Variants in ADAMTS18 observed in about 807,000 individuals in gnomAD.
ADAMTS18 encodes A disintegrin and metalloproteinase with thrombospondin motifs 18.
In ADAMTS18, 157 loss-of-function variants were observed where a neutral mutation model predicts 165.9. That is an observed-to-expected ratio of 0.95 (90% CI 0.83 to 1.08). The LOEUF (loss-of-function observed/expected upper bound fraction) is 1.08. ADAMTS18 is among the 50% of genes least tolerant of loss of function. The probability of loss-of-function intolerance (pLI) is 0.00; values close to 1 mark genes in which losing one functional copy is unlikely to be tolerated. For missense variants in ADAMTS18, 2,040 were observed against 1,534.0 expected, an observed-to-expected ratio of 1.33 and a Z score of -5.51; for synonymous variants, 782 against 578.2, an observed-to-expected ratio of 1.35 and a Z score of -5.06.
At chr16:77,295,964 C>A (rs911795500) in intron 18 of ADAMTS18, among the ~76,000 whole-genome samples, 1 of 151,424 alleles carries the variant, frequency 6.6e-6, no homozygotes, top group African/African-American at 2.4e-5. Flanking sequence ...CTGCCTCAGC[C>A]TCAGATTATG....
At chr16:77,430,047 T>TACGGTG (rs1416652846) in intron 3 of ADAMTS18, among the ~76,000 whole-genome samples, 1 of 152,158 alleles carries the variant, frequency 6.6e-6, no homozygotes, top group Non-Finnish European at 1.5e-5. Context: ...TTTAAGCCAC[T>TACGGTG]ACGGTGGGTT....
At position 77,364,305 on chromosome 16, in the gene ADAMTS18, T is replaced by C. The variant is rs767925514; in HGVS notation, c.855A>G (p.Ser285=). 2 of 1,614,034 alleles carry C rather than the reference T, an allele frequency of 1.2e-6. No individual in the cohort carries two copies. The highest frequency in any genetic ancestry group is 4.5e-5 in the East Asian group (2 of 44,872). Residue 285 remains serine, a synonymous_variant, in exon 5 of 23, where the codon TCA becomes TCG. Coordinates refer to ENST00000282849, the MANE Select transcript of ADAMTS18 (RefSeq NM_199355.4). ...EYGSSGRPRR[S]AGKSQKGLNV... ...TGAGGCCCTTTTGTGATTTTCCAGC[T>C]GATCTTCTGGGTCGCCCAGAGCTCC...
chr16:77,300,238 G>T, intron 17 of ADAMTS18, 25 bp downstream of exon 17: 1 of 1,613,788 alleles, frequency 6.2e-7, no homozygotes, highest in Non-Finnish European at 8.5e-7. Flanking sequence ...ACAGACTTTG[G>T]AGACAGAATG....
At chr16:77,424,724 C>A (rs2057649769) in intron 3 of ADAMTS18, among the ~76,000 whole-genome samples, 1 of 152,208 alleles carries the variant, frequency 6.6e-6, no homozygotes, top group Non-Finnish European at 1.5e-5. Context: ...TTTAACCTTT[C>A]TTGATGAAAT....
intron 3 of ADAMTS18, among the ~76,000 whole-genome samples, chr16:77,424,615 C>T (rs1567557598): frequency 6.6e-6 from 1 of 152,156 alleles, no homozygotes; most frequent in African/African-American, 2.4e-5. Flanking sequence ...GAAGTTTGAT[C>T]TGGCATTTTG....
At chr16:77,391,315 C>A (rs2144789680) in intron 3 of ADAMTS18, among the ~76,000 whole-genome samples, 3 of 152,130 alleles carry the variant, frequency 2.0e-5, no homozygotes, top group Middle Eastern at 6.8e-3. Flanking sequence ...CCAAACTGGC[C>A]AACATGGTGA....
chr16:77,415,547 C>A (rs1438441740), intron 3 of ADAMTS18, among the ~76,000 whole-genome samples: 1 of 152,024 alleles, frequency 6.6e-6, no homozygotes, highest in Non-Finnish European at 1.5e-5. Flanking sequence ...ATCTTGTTGC[C>A]TGTTTATTTC....
intron 11 of ADAMTS18, among the ~76,000 whole-genome samples, chr16:77,337,645 T>A (rs550829763): frequency 6.6e-6 from 1 of 152,322 alleles, no homozygotes; most frequent in East Asian, 1.9e-4. Context: ...TAATCTAATT[T>A]CTTTTTGGAA....
At chr16:77,297,188 T>G in intron 18 of ADAMTS18, 101 bp downstream of exon 18, 1 of 1,512,704 alleles carries the variant, frequency 6.6e-7, no homozygotes, top group Non-Finnish European at 9.2e-7. Flanking sequence ...TTTGAATCAC[T>G]TTCCATTAGC....
chr16:77,298,919 G>C (rs918724145), intron 17 of ADAMTS18, among the ~76,000 whole-genome samples: 1 of 152,272 alleles, frequency 6.6e-6, no homozygotes, highest in Non-Finnish European at 1.5e-5. Flanking sequence ...GTCATGCGAA[G>C]GGGTTGCTAA....
intron 3 of ADAMTS18, among the ~76,000 whole-genome samples, chr16:77,426,670 T>C (rs1261652431): frequency 1.3e-5 from 2 of 152,206 alleles, no homozygotes; most frequent in Non-Finnish European, 2.9e-5. Flanking sequence ...GTTGGTAAGC[T>C]TCATCTACCA....
Position 77,371,482 on chromosome 16 carries a change from C to G in ADAMTS18, c.496-3759G>C, listed in dbSNP as rs141353400. Among the ~76,000 whole-genome samples the G allele has an allele frequency of 6.6e-3, 1,005 of 152,184 alleles. 5 individuals are homozygous for G. Among genetic ancestry groups the G allele is most frequent in the African/African-American group, 0.023 (949 of 41,524 alleles). ...AGAACCCTGAAATAAATCTACTCATCTACAGCCTATTAATTTTTAACAAAG... is the reference window on the plus strand; with the variant it reads ...AGAACCCTGAAATAAATCTACTCATGTACAGCCTATTAATTTTTAACAAAG... On this transcript the variant is annotated intron_variant, in intron 3 of 22. Coordinates refer to ENST00000282849, the MANE Select transcript of ADAMTS18 (RefSeq NM_199355.4).
At chr16:77,309,112 G>T (rs143658665) in intron 16 of ADAMTS18, among the ~76,000 whole-genome samples, 1 of 152,182 alleles carries the variant, frequency 6.6e-6, no homozygotes, top group African/African-American at 2.4e-5. Flanking sequence ...GAAATACATG[G>T]AAATTATTTA....
intron 3 of ADAMTS18, among the ~76,000 whole-genome samples, chr16:77,410,470 T>A (rs2057447515): frequency 6.6e-6 from 1 of 152,158 alleles, no homozygotes; most frequent in African/African-American, 2.4e-5. Flanking sequence ...TCTGAATTTT[T>A]ATCAAGCACT....
chr16:77,431,201 T>G, intron 3 of ADAMTS18, 94 bp downstream of exon 3: 1 of 1,342,592 alleles, frequency 7.4e-7, no homozygotes, highest in Non-Finnish European at 1.1e-6. Flanking sequence ...ATGTGTGGAG[T>G]TGGCTGGAAG....
intron 21 of ADAMTS18, chr16:77,290,430 A>C (rs2055340104): frequency 1.3e-5 from 2 of 152,074 alleles, no homozygotes; most frequent in African/African-American, 2.4e-5. Flanking sequence ...TATTAGAGTC[A>C]ATTTTAAAAA....
chr16:77,323,776 A>C (rs1165845923), intron 13 of ADAMTS18, among the ~76,000 whole-genome samples: 2 of 152,208 alleles, frequency 1.3e-5, no homozygotes, highest in African/African-American at 4.8e-5. Context: ...ACAAGGAGAG[A>C]CTAGAAAGCC....
At chr16:77,397,035 C>T (rs1213482052) in intron 3 of ADAMTS18, among the ~76,000 whole-genome samples, 1 of 152,124 alleles carries the variant, frequency 6.6e-6, no homozygotes. Context: ...TCTCGAACTC[C>T]TGACCTAAGG....
chr16:77,398,891 G>A (rs1006298230), intron 3 of ADAMTS18, among the ~76,000 whole-genome samples: 1 of 152,168 alleles, frequency 6.6e-6, no homozygotes, highest in Non-Finnish European at 1.5e-5. Context: ...GCACCTAGAT[G>A]TTTGGGTGGG....
Sources: gnomAD v4.1 joint callset for allele counts (sites outside exome capture counted in the v4.1 genomes callset) on GRCh38, gnomAD v4.1.1 for gene constraint, MANE v1.5 for transcripts, NCBI Gene and HGNC (gene_info 2026-07-23, HGNC 2026-07-21) for gene names.